SEMA5A: variants seen among roughly 807,000 people sequenced by gnomAD.
SEMA5A encodes the protein semaphorin-5A.
A neutral mutation model predicts 135.5 loss-of-function variants in SEMA5A; 55 were observed. The observed-to-expected ratio is 0.41, with a 90% CI of 0.33 to 0.51. The LOEUF (loss-of-function observed/expected upper bound fraction) is 0.51, where lower values mean the gene tolerates loss of function less well. Ranked by LOEUF, SEMA5A falls within the 20% of genes least tolerant of loss-of-function variation. The pLI, the probability that SEMA5A is intolerant of heterozygous loss-of-function variation, is 0.37. For missense variants in SEMA5A, 1,290 were observed against 1,419.9 expected, an observed-to-expected ratio of 0.91 and a Z score of 1.47; for synonymous variants, 580 against 546.5, an observed-to-expected ratio of 1.06 and a Z score of -0.85.
intron 5 of SEMA5A, among the ~76,000 whole-genome samples, chr5:9,300,042 G>T (rs909191074): frequency 1.3e-5 from 2 of 151,884 alleles, no homozygotes; most frequent in Non-Finnish European, 2.9e-5. Context: ...CACTTTTTTG[G>T]GGGGCGGGGG....
At chr5:9,234,044 C>A (rs1188747656) in intron 6 of SEMA5A, among the ~76,000 whole-genome samples, 1 of 152,166 alleles carries the variant, frequency 6.6e-6, no homozygotes, top group Non-Finnish European at 1.5e-5. Context: ...ATAAGAACTT[C>A]AGCACAAGCA....
intron 18 of SEMA5A, among the ~76,000 whole-genome samples, chr5:9,061,408 A>T (rs1335667390): frequency 6.6e-6 from 1 of 151,762 alleles, no homozygotes; most frequent in Non-Finnish European, 1.5e-5. Context: ...TGCTGCCATG[A>T]GTGAGACCAG....
chr5:9,209,525 C>G (rs140024384), intron 8 of SEMA5A, among the ~76,000 whole-genome samples: 2 of 152,024 alleles, frequency 1.3e-5, no homozygotes, highest in African/African-American at 4.8e-5. Flanking sequence ...ATTTTAACTC[C>G]TAAAAAATAT....
intron 1 of SEMA5A, among the ~76,000 whole-genome samples, chr5:9,505,786 A>G (rs1735850372): frequency 2.0e-5 from 3 of 152,254 alleles, no homozygotes; most frequent in Admixed American, 2.0e-4. Flanking sequence ...GGTATCGTGC[A>G]GGGTTATGGA....
chr5:9,225,821 G>A (rs1162937753), intron 7 of SEMA5A, among the ~76,000 whole-genome samples: 3 of 152,026 alleles, frequency 2.0e-5, no homozygotes, highest in Non-Finnish European at 4.4e-5. Context: ...AAAGCTCTTG[G>A]GTACTGGTGG....
chr5:9,306,373 G>C (rs1490659043), intron 5 of SEMA5A, among the ~76,000 whole-genome samples: 3 of 152,030 alleles, frequency 2.0e-5, no homozygotes, highest in African/African-American at 7.3e-5. Flanking sequence ...CCACAGACTG[G>C]TCTTCCAGTT....
chr5:9,424,233 G>A (rs750630974), intron 2 of SEMA5A, among the ~76,000 whole-genome samples: 1 of 152,188 alleles, frequency 6.6e-6, no homozygotes, highest in African/African-American at 2.4e-5. Flanking sequence ...CATTGTAAGA[G>A]TCTGATCTTA....
intron 2 of SEMA5A, among the ~76,000 whole-genome samples, chr5:9,384,637 T>TAGAC (rs1315218613): frequency 2.5e-5 from 3 of 119,220 alleles, no homozygotes; most frequent in Non-Finnish European, 5.4e-5. Flanking sequence ...GATAGATAGA[T>TAGAC]AGATAGATAG....
intron 3 of SEMA5A, among the ~76,000 whole-genome samples, chr5:9,376,044 T>C (rs1184482220): frequency 6.6e-6 from 1 of 152,162 alleles, no homozygotes; most frequent in Non-Finnish European, 1.5e-5. Flanking sequence ...ACCACACTCC[T>C]TTCCAATTTC....
intron 12 of SEMA5A, among the ~76,000 whole-genome samples, chr5:9,148,822 C>A (rs141820831): frequency 2.0e-5 from 3 of 152,046 alleles, no homozygotes; most frequent in African/African-American, 7.2e-5. Flanking sequence ...CGGGTTCAAG[C>A]GATTCTCTTG....
intron 3 of SEMA5A, among the ~76,000 whole-genome samples, chr5:9,342,821 T>C (rs1046864631): frequency 3.9e-5 from 6 of 152,230 alleles, no homozygotes; most frequent in Admixed American, 2.0e-4. Flanking sequence ...AACTGAGGCA[T>C]TGTAAGAGTG....
At chr5:9,273,328 A>G (rs1579763256) in intron 5 of SEMA5A, among the ~76,000 whole-genome samples, 1 of 152,158 alleles carries the variant, frequency 6.6e-6, no homozygotes, top group African/African-American at 2.4e-5. Flanking sequence ...CCCAAGAAAT[A>G]TGGGACTATG....
intron 3 of SEMA5A, among the ~76,000 whole-genome samples, chr5:9,368,324 G>C (rs1754999718): frequency 6.6e-6 from 1 of 152,158 alleles, no homozygotes; most frequent in African/African-American, 2.4e-5. Context: ...AAAGCAATAT[G>C]ATTACTGGAT....
At position 9,379,901 on chromosome 5, in the gene SEMA5A, G is replaced by A. The variant is rs1755522072; in HGVS notation, c.46C>T (p.Leu16=). ...GCCTCTGGGTGGGCGAGTCTCCACA[G>A]CCCCAGGCTTGAGAACAGCCATGCT... ...VIAWLFSSLG[L]WRLAHPEAQG... is the part of the protein sequence containing the mutation. Residue 16 remains leucine, a synonymous_variant, in exon 3 of 23, where the codon CTG becomes TTG. Transcript: ENST00000382496. The A allele has an allele frequency of 1.2e-6, 2 of 1,613,852 alleles. No individual in the cohort carries two copies. Among genetic ancestry groups the A allele is most frequent in the Non-Finnish European group, 1.7e-6 (2 of 1,179,964 alleles).
At chr5:9,158,613 A>C (rs1406747370) in intron 11 of SEMA5A, among the ~76,000 whole-genome samples, 1 of 152,126 alleles carries the variant, frequency 6.6e-6, no homozygotes, top group Non-Finnish European at 1.5e-5. Context: ...GAGGATGCTC[A>C]GAATGGACAC....
intron 1 of SEMA5A, among the ~76,000 whole-genome samples, chr5:9,486,491 T>C (rs936117053): frequency 1.3e-5 from 2 of 152,140 alleles, no homozygotes; most frequent in African/African-American, 2.4e-5. Context: ...CTGGGTTAAA[T>C]TGCAAAGTTA....
At chr5:9,073,087 A>T (rs1737856733) in intron 16 of SEMA5A, among the ~76,000 whole-genome samples, 1 of 152,212 alleles carries the variant, frequency 6.6e-6, no homozygotes, top group Admixed American at 6.5e-5. Context: ...CTCCCAAGTC[A>T]TTCTATGAGG....
intron 5 of SEMA5A, among the ~76,000 whole-genome samples, chr5:9,251,385 G>A (rs1748777498): frequency 1.3e-5 from 2 of 152,230 alleles, no homozygotes; most frequent in African/African-American, 2.4e-5. Flanking sequence ...CCTAGAAGAG[G>A]GAGGGCATTT....
intron 2 of SEMA5A, among the ~76,000 whole-genome samples, chr5:9,388,377 T>C (rs1425447240): frequency 1.3e-5 from 2 of 151,590 alleles, no homozygotes; most frequent in Admixed American, 6.6e-5. Flanking sequence ...ACAAAGGCAA[T>C]ATTAATTTTA....
Sources: allele counts gnomAD v4.1 joint callset (sites outside exome capture counted in the v4.1 genomes callset), GRCh38; gene constraint gnomAD v4.1.1; transcripts MANE v1.5; gene names NCBI Gene and HGNC (gene_info 2026-07-23, HGNC 2026-07-21).